Variants in SLC25A31 observed in about 807,000 individuals in gnomAD.
The protein encoded by SLC25A31 is solute carrier family 25 member 31.
SLC25A31 carries 40 observed loss-of-function variants against 36.2 expected under a neutral mutation model. The observed-to-expected ratio is 1.10, with a 90% CI of 0.86 to 1.44. SLC25A31 has a LOEUF of 1.44. Among genes scored for constraint, SLC25A31 ranks in the 40% most tolerant of loss-of-function variants. The pLI, the probability that SLC25A31 is intolerant of heterozygous loss-of-function variation, is 0.00. For synonymous variants in SLC25A31, 143 were observed against 149.7 expected (o/e 0.96, Z 0.32); for missense variants, 350 against 397.1 (o/e 0.88, Z 1.01).
intron 2 of SLC25A31, among the ~76,000 whole-genome samples, chr4:127,745,515 A>T (rs1265015159): frequency 6.6e-6 from 1 of 151,468 alleles, no homozygotes; most frequent in Non-Finnish European, 1.5e-5. Flanking sequence ...TCTCCCTATT[A>T]CTCCTCATCT....
chr4:127,753,870 A>G (rs1286644446), intron 2 of SLC25A31, among the ~76,000 whole-genome samples: 1 of 152,138 alleles, frequency 6.6e-6, no homozygotes, highest in Non-Finnish European at 1.5e-5. Context: ...AGAAAAGAAA[A>G]TTACAGGTCA....
At chr4:127,749,921 A>G (rs1369527832) in intron 2 of SLC25A31, among the ~76,000 whole-genome samples, 1 of 152,210 alleles carries the variant, frequency 6.6e-6, no homozygotes, top group African/African-American at 2.4e-5. Context: ...CCAACTTGCC[A>G]AAAGTCAAAA....
At position 127,735,892 on chromosome 4, in the gene SLC25A31, A is replaced by AT. The variant is rs869204653; in HGVS notation, c.232+5118dup. Among the ~76,000 whole-genome samples the AT allele has an allele frequency of 4.8e-3, 184 of 38,646 alleles. 2 individuals carry two copies. The highest frequency in any genetic ancestry group is 0.029 in the Middle Eastern group (1 of 34). 25.4% of individuals were successfully genotyped at this position (38,646 alleles called of 152,430 possible). On this transcript the variant is annotated intron_variant, in intron 1 of 5. Coordinates refer to ENST00000281154, the MANE Select transcript of SLC25A31 (RefSeq NM_031291.4). The stretch of plus-strand genomic sequence containing the variant: ...ATTTTATTTATTTATTTATTTATTT[A>AT]TTTATTTTTTTTTTTGAGACGGAGT...
chr4:127,770,577 A>G (rs1224139680), intron 5 of SLC25A31, among the ~76,000 whole-genome samples: 9 of 152,054 alleles, frequency 5.9e-5, no homozygotes, highest in East Asian at 1.9e-4. Flanking sequence ...GTGAACCAAG[A>G]TGGCGCCACT....
intron 3 of SLC25A31, among the ~76,000 whole-genome samples, chr4:127,764,815 G>GA (rs76298814): frequency 0.03 from 4,592 of 151,240 alleles, 297 homozygotes; most frequent in East Asian, 0.26. Flanking sequence ...GAGAAAGAGT[G>GA]AAAAAAAATA....
chr4:127,731,764 CTCTT>C (rs1731531224), intron 1 of SLC25A31, among the ~76,000 whole-genome samples: 1 of 151,722 alleles, frequency 6.6e-6, no homozygotes, highest in Non-Finnish European at 1.5e-5. Flanking sequence ...GTTCTCCTTT[CTCTT>C]TATTTTTTCT....
At chr4:127,766,372 T>G (rs556112174) in intron 3 of SLC25A31, among the ~76,000 whole-genome samples, 2 of 152,062 alleles carry the variant, frequency 1.3e-5, no homozygotes, top group Non-Finnish European at 2.9e-5. Context: ...TTCACTATCT[T>G]GCCCAGGCTG....
At chr4:127,753,459 A>AAG in intron 2 of SLC25A31, among the ~76,000 whole-genome samples, 1 of 152,296 alleles carries the variant, frequency 6.6e-6, no homozygotes, top group African/African-American at 2.4e-5. Flanking sequence ...CATATAAATC[A>AAG]GAAGTGAAAG....
At chr4:127,731,544 G>A (rs1477540050) in intron 1 of SLC25A31, among the ~76,000 whole-genome samples, 2 of 152,118 alleles carry the variant, frequency 1.3e-5, no homozygotes, top group East Asian at 1.9e-4. Flanking sequence ...CCCAGTCTAT[G>A]CTAAATATAC....
Position 127,730,790 on chromosome 4 carries a change from A to G in SLC25A31, c.232+13A>G. 1 of 1,595,988 alleles carries G rather than the reference A, an allele frequency of 6.3e-7. No homozygotes were observed. The highest frequency in any genetic ancestry group is 8.6e-7 in the Non-Finnish European group (1 of 1,167,558). On this transcript the variant is annotated intron_variant, in intron 1 of 5. Transcript: ENST00000281154. ...CCTCGCGAGCAGGGTGCGTCAAGGC[A>G]GGCCGCCCCGACAGCCTCTCCCGGC...
At chr4:127,737,416 C>G (rs1047411495) in intron 1 of SLC25A31, among the ~76,000 whole-genome samples, 2 of 152,192 alleles carry the variant, frequency 1.3e-5, no homozygotes, top group Admixed American at 6.5e-5. Context: ...CATTCTTCAG[C>G]CAACACTAGC....
chr4:127,741,695 G>A (rs1264920212), intron 1 of SLC25A31, among the ~76,000 whole-genome samples: 1 of 152,024 alleles, frequency 6.6e-6, no homozygotes, highest in Admixed American at 6.5e-5. Context: ...TAGTATTTTG[G>A]TTGGCTTTGG....
chr4:127,733,224 T>G (rs1289614704), intron 1 of SLC25A31, among the ~76,000 whole-genome samples: 3 of 152,254 alleles, frequency 2.0e-5, no homozygotes, highest in Non-Finnish European at 4.4e-5. Flanking sequence ...CAGAAACTCA[T>G]GTCAGCAACT....
At chr4:127,755,096 GAAGA>G (rs1553929870) in intron 2 of SLC25A31, among the ~76,000 whole-genome samples, 2 of 152,134 alleles carry the variant, frequency 1.3e-5, no homozygotes, top group Non-Finnish European at 2.9e-5. Context: ...TCCATATGCA[GAAGA>G]ATGAAATTGG....
At chr4:127,762,021 G>A (rs1272744272) in intron 2 of SLC25A31, among the ~76,000 whole-genome samples, 1 of 152,148 alleles carries the variant, frequency 6.6e-6, no homozygotes, top group Non-Finnish European at 1.5e-5. Context: ...ACTGATGAGT[G>A]TTACTTAAAA....
chr4:127,761,613 T>C (rs1236727306), intron 2 of SLC25A31, among the ~76,000 whole-genome samples: 1 of 152,224 alleles, frequency 6.6e-6, no homozygotes, highest in East Asian at 1.9e-4. Flanking sequence ...TTACTGATAT[T>C]TTCTTATTCC....
At chr4:127,734,335 A>G (rs1446505643) in intron 1 of SLC25A31, among the ~76,000 whole-genome samples, 8 of 152,098 alleles carry the variant, frequency 5.3e-5, no homozygotes, top group Non-Finnish European at 1.2e-4. Flanking sequence ...AGAGGTGGGC[A>G]GATCACTTGA....
intron 2 of SLC25A31, among the ~76,000 whole-genome samples, chr4:127,750,086 A>G (rs140224014): frequency 2.6e-4 from 39 of 152,328 alleles, no homozygotes; most frequent in African/African-American, 8.9e-4. Flanking sequence ...ACCTGGCTAA[A>G]TTGTCTGTCA....
chr4:127,760,953 C>T (rs1732117624), intron 2 of SLC25A31, among the ~76,000 whole-genome samples: 1 of 152,094 alleles, frequency 6.6e-6, no homozygotes, highest in South Asian at 2.1e-4. Context: ...GGGGAAAACA[C>T]CAATATAGTA....
Sources: allele counts gnomAD v4.1 joint callset (sites outside exome capture counted in the v4.1 genomes callset), GRCh38; gene constraint gnomAD v4.1.1; transcripts MANE v1.5; gene names NCBI Gene and HGNC (gene_info 2026-07-23, HGNC 2026-07-21).